PRRC2A: variants seen among roughly 807,000 people sequenced by gnomAD.
PRRC2A encodes proline rich coiled-coil 2A.
Under a neutral mutation model 224.6 loss-of-function variants are expected in PRRC2A, and 59 were observed. The observed-to-expected ratio is 0.26, with a 90% CI of 0.21 to 0.33. The LOEUF is 0.33. Ranked by LOEUF, PRRC2A falls within the 10% of genes least tolerant of loss-of-function variation. The probability of loss-of-function intolerance (pLI) is 1.00; values close to 1 mark genes in which losing one functional copy is unlikely to be tolerated. For missense variants in PRRC2A, 3,095 were observed against 2,880.7 expected (o/e 1.07, Z -1.70); for synonymous variants, 1,194 against 1,109.5 (o/e 1.08, Z -1.51).
intron 5 of PRRC2A, chr6:31,624,841 C>T (rs1428520273): frequency 1.4e-5 from 7 of 515,438 alleles, no homozygotes; most frequent in Non-Finnish European, 6.9e-6. Flanking sequence ...TTCTGTCACC[C>T]AGGCTGGAGT....
Position 31,630,796 on chromosome 6 carries a change from G to A in PRRC2A, c.2460G>A (p.Gly820=), listed in dbSNP as rs1277626338. The change falls in exon 15 of 31, where the codon GGG becomes GGA. Residue 820 remains glycine (G), a synonymous_variant. Transcript: ENST00000376033. The part of the protein sequence containing the change: ...LRQAADEDDK[G]MRSETPPVPP... The stretch of plus-strand genomic sequence containing the variant: ...AGGCTGCGGATGAGGATGACAAGGG[G>A]ATGAGGTGAGTCTTGGTCATGAGAA... 2.5e-6 allele frequency: 4 copies of A among 1,613,900 alleles called. No homozygotes were observed. Among genetic ancestry groups the A allele is most frequent in the Middle Eastern group, 1.6e-4 (1 of 6,072 alleles).
chr6:31,622,130 C>T (rs1185920186), intron 1 of PRRC2A, among the ~76,000 whole-genome samples: 3 of 152,184 alleles, frequency 2.0e-5, no homozygotes, highest in Admixed American at 6.5e-5. Flanking sequence ...GAGGATTTCT[C>T]TGGTACCAAC....
intron 29 of PRRC2A, 48 bp downstream of exon 29, chr6:31,637,184 G>A: frequency 6.2e-7 from 1 of 1,607,708 alleles, no homozygotes; most frequent in Non-Finnish European, 8.5e-7. Flanking sequence ...CCTTACTTTG[G>A]AACCAGGGTC....
Position 31,637,100 on chromosome 6 carries a change from G to C in PRRC2A, c.6206G>C (p.Gly2069Ala), listed in dbSNP as rs757402250. The change falls in exon 29 of 31, where the codon GGG (glycine) becomes GCG (alanine). Residue 2069 changes from glycine to alanine, a missense_variant. This residue lies in a region of PRRC2A where 662 missense variants were observed against 609.5 expected (regional missense o/e 1.09). Transcript: ENST00000376033. The stretch of plus-strand genomic sequence containing the variant: ...TATCAAAAACTGAGCAGCAACCTTG[G>C]GGGACCTGGATCATCACGGACTCCC... ...QDYQKLSSNL[G>A]GPGSSRTPPT... 6.2e-7 allele frequency: 1 copy of C among 1,611,082 alleles called. No individual in the cohort carries two copies.
chr6:31,623,122 G>A (rs780282278), intron 2 of PRRC2A: 15 of 756,892 alleles, frequency 2.0e-5, no homozygotes, highest in South Asian at 2.7e-5. Flanking sequence ...CTTTGGACAC[G>A]TAAGAATTGG....
chr6:31,627,982 G>T lies in PRRC2A; in HGVS notation c.1508G>T (p.Arg503Leu). The change falls in exon 12 of 31, where the codon CGG (arginine) becomes CTG (leucine). Residue 503 changes from arginine (R) to leucine (L), a missense_variant. By Grantham distance (102) the Arg-to-Leu change is moderately radical. Transcript: ENST00000376033. The surrounding 1 kb of genome is among the most constrained non-coding windows in gnomAD (Gnocchi z 5.6). ...GAAAAGTTTGGGGCACCTGACAAGC[G>T]GCTCAAAGCAGAGCCTGCTGCCCCA... ...LDEKFGAPDK[R>L]LKAEPAAPPA... The T allele has an allele frequency of 6.2e-7, 1 of 1,612,932 alleles. No individual in the cohort carries two copies. Among genetic ancestry groups the T allele is most frequent in the African/African-American group, 1.3e-5 (1 of 75,036 alleles).
In PRRC2A at chr6:31,632,178, C is replaced by A. The variant is rs750297246; in HGVS notation, c.3505C>A (p.Arg1169Ser). The change falls in exon 16 of 31, where the codon CGC becomes AGC. Residue 1169 changes from arginine (R) to serine (S), a missense_variant. By Grantham distance (110) the Arg-to-Ser change is moderately radical. This residue lies in a region of PRRC2A where 2,001 missense variants were observed against 1,764.9 expected (regional missense o/e 1.13). Coordinates refer to ENST00000376033, the MANE Select transcript of PRRC2A (RefSeq NM_004638.4). ...CTTCACTCCCAGAGGGGTGCCATCTCGCCGGGGCCGAGGAGGAGGGAGGCC... is the reference window on the plus strand; with the variant it reads ...CTTCACTCCCAGAGGGGTGCCATCTAGCCGGGGCCGAGGAGGAGGGAGGCC... ...RVFTPRGVPS[R>S]RGRGGGRPPP... 6.3e-7 allele frequency: 1 copy of A among 1,594,560 alleles called. No individual in the cohort carries two copies. The highest frequency in any genetic ancestry group is 2.2e-5 in the East Asian group (1 of 44,620).
At chr6:31,628,410 G>C (rs1388428431) in intron 12 of PRRC2A, among the ~76,000 whole-genome samples, 171 bp downstream of exon 12, 2 of 152,228 alleles carry the variant, frequency 1.3e-5, no homozygotes, top group African/African-American at 4.8e-5. Context: ...GGAAGGTTTT[G>C]TCTGGAATCT....
Position 31,636,666 on chromosome 6 carries a change from T to C in PRRC2A, c.5934+58T>C. ...GATTTCTCTGTCCAGTTGCTGGCTT[T>C]GATTTTCCCTGGTTTTCTGACATTC... On this transcript the variant is annotated intron_variant, in intron 27 of 30. Transcript: ENST00000376033. This position sits in a 1 kb window ranked among gnomAD's most constrained non-coding sequence, Gnocchi z 4.3. 6.3e-7 allele frequency: 1 copy of C among 1,594,174 alleles called. No homozygotes were observed. The highest frequency in any genetic ancestry group is 8.6e-7 in the Non-Finnish European group (1 of 1,165,940).
chr6:31,626,632 G>T, intron 9 of PRRC2A, 140 bp from the exon 10 acceptor site: 1 of 732,018 alleles, frequency 1.4e-6, no homozygotes, highest in South Asian at 1.9e-5. Context: ...GAGTAAGAAT[G>T]ACAAGACTTC....
At position 31,636,722 on chromosome 6, in the gene PRRC2A, T is replaced by A; in HGVS notation, c.5935-11T>A. ...TGCCCCCAACATGCACACCCAAATT[T>A]CTTGTTACAGATGCTTCTACCCATG... On this transcript the variant is annotated splice_polypyrimidine_tract_variant and intron_variant, in intron 27 of 30. Coordinates refer to ENST00000376033, the MANE Select transcript of PRRC2A (RefSeq NM_004638.4). The surrounding 1 kb of genome is among the most constrained non-coding windows in gnomAD (Gnocchi z 4.3). The A allele has an allele frequency of 1.2e-6, 2 of 1,606,964 alleles. No individual in the cohort carries two copies. Among genetic ancestry groups the A allele is most frequent in the Non-Finnish European group, 1.7e-6 (2 of 1,178,884 alleles).
In PRRC2A at chr6:31,637,274, T is replaced by C. The variant is rs1467322432; in HGVS notation, c.6283T>C (p.Ser2095Pro). The part of the protein sequence containing the change: ...GLNSRLKATP[S>P]TYSGVFRTQR... ...CAATTCCCGTCTCAAGGCCACGCCT[T>C]CCACCTACAGTGGAGTCTTCCGCAC... Residue 2095 changes from serine to proline, a missense_variant, in exon 30 of 31, where the codon TCC becomes CCC. Physicochemically the swap from Ser to Pro is moderately conservative, Grantham distance 74. Transcript: ENST00000376033. The C allele has an allele frequency of 6.2e-7, 1 of 1,612,726 alleles. No individual in the cohort carries two copies. Among genetic ancestry groups the C allele is most frequent in the South Asian group, 1.1e-5 (1 of 91,074 alleles).
chr6:31,629,458 A>C lies in PRRC2A; in HGVS notation c.1957-90A>C, dbSNP rs916593499. On this transcript the variant is annotated intron_variant, in intron 13 of 30. Transcript: ENST00000376033. ...GTCCAGTTGTCTCCATTGTCACGCCAATTTCCCCTAGTCCAAGTTTTTTCT... is the reference window on the plus strand; with the variant it reads ...GTCCAGTTGTCTCCATTGTCACGCCCATTTCCCCTAGTCCAAGTTTTTTCT... 4 of 1,431,126 alleles carry C rather than the reference A, an allele frequency of 2.8e-6. No homozygotes were observed. The African/African-American group carries it at 5.7e-5, about 20-fold the overall frequency. The allele number at this position is 1,431,126 out of a possible 1,614,324, so 88.7% of individuals were successfully genotyped here. A position where few individuals can be genotyped will look rare whatever the true frequency, so the allele number is the denominator to read the frequency against.
chr6:31,630,711 TAGG>T lies in PRRC2A; in HGVS notation c.2378_2380del (p.Gly793del), dbSNP rs372791429. The T allele has an allele frequency of 7.1e-4, 1,148 of 1,613,952 alleles. 7 individuals carry two copies. The African/African-American group carries it at 0.014, about 19-fold the overall frequency. On this transcript the variant is annotated inframe_deletion, in exon 15 of 31. Coordinates refer to ENST00000376033, the MANE Select transcript of PRRC2A (RefSeq NM_004638.4). ...CCGGTGGATCCAAAGTTGGCCTGGG[TAGG>T]AGATGTCTTCACCGCCACACCCGCT...
In PRRC2A at chr6:31,625,984, C is replaced by T; in HGVS notation, c.840-36C>T. ...AGGATCAGTCTCGCATGTGGTTATA[C>T]AACATGCCATATTTCATTTTCTTTT... On this transcript the variant is annotated intron_variant, in intron 8 of 30. Transcript: ENST00000376033. The surrounding 1 kb of genome is among the most constrained non-coding windows in gnomAD (Gnocchi z 4.1). 1.2e-6 allele frequency: 2 copies of T among 1,608,640 alleles called. No homozygotes were observed. Among genetic ancestry groups the T allele is most frequent in the Non-Finnish European group, 1.7e-6 (2 of 1,177,774 alleles).
chr6:31,632,749 G>T lies in PRRC2A; in HGVS notation c.4076G>T (p.Gly1359Val). The T allele has an allele frequency of 1.2e-6, 2 of 1,613,098 alleles. No homozygotes were observed. Among genetic ancestry groups the T allele is most frequent in the Non-Finnish European group, 1.7e-6 (2 of 1,180,040 alleles). Residue 1359 changes from glycine (G) to valine (V), a missense_variant, in exon 16 of 31, where the codon GGT (glycine) becomes GTT (valine). Physicochemically the swap from Gly to Val is moderately radical, Grantham distance 109. Transcript: ENST00000376033. ...KAVGTPGGGGGGAVPGISAMS... is the reference protein window; with the variant it reads ...KAVGTPGGGGVGAVPGISAMS... ...GTGGGAACTCCTGGGGGAGGTGGAG[G>T]TGGAGCCGTACCAGGTATTTCAGCC... is the stretch of plus-strand genomic sequence containing the variant.
chr6:31,635,561 C>A (rs1777237870), intron 23 of PRRC2A, 21 bp from the exon 24 acceptor site: 1 of 1,610,698 alleles, frequency 6.2e-7, no homozygotes, highest in Non-Finnish European at 8.5e-7. Flanking sequence ...CATCCCTCTC[C>A]ACGAGGCCTC....
intron 12 of PRRC2A, 60 bp downstream of exon 12, chr6:31,628,299 G>T: frequency 6.5e-7 from 1 of 1,535,846 alleles, no homozygotes; most frequent in South Asian, 1.2e-5. Context: ...GTGCTTAAAG[G>T]TGCAGGGTGG....
Position 31,625,417 on chromosome 6 carries a change from C to T in PRRC2A, c.608-43C>T, listed in dbSNP as rs775463719. 6 of 1,609,490 alleles carry T rather than the reference C, an allele frequency of 3.7e-6. No homozygotes were observed. Among genetic ancestry groups the T allele is most frequent in the South Asian group, 1.1e-5 (1 of 91,008 alleles). ...ATCACTTTCAGCTGTGTTCACTTGT[C>T]CTCCAATCATTGATACCTCTCTCTA... On this transcript the variant is annotated intron_variant, in intron 6 of 30. Coordinates refer to ENST00000376033, the MANE Select transcript of PRRC2A (RefSeq NM_004638.4). This position sits in a 1 kb window ranked among gnomAD's most constrained non-coding sequence, Gnocchi z 4.1.
Sources: allele counts gnomAD v4.1 joint callset (sites outside exome capture counted in the v4.1 genomes callset), GRCh38; gene constraint gnomAD v4.1.1; regional missense constraint gnomAD v4.1.1; non-coding constraint Gnocchi (gnomAD v3.1); transcripts MANE v1.5; gene names NCBI Gene and HGNC (gene_info 2026-07-23, HGNC 2026-07-21).